RYR1: variants seen among roughly 807,000 people sequenced by gnomAD.
RYR1 encodes central core disease of muscle.
RYR1 carries 342 observed loss-of-function variants against 583.5 expected under a neutral mutation model. The observed-to-expected ratio is 0.59, with a 90% confidence interval of 0.54 to 0.64. RYR1 has a LOEUF of 0.64. Among genes scored for constraint, RYR1 ranks in the 30% least tolerant of loss-of-function variants. The pLI is 0.00. For missense variants in RYR1, 6,032 were observed against 6,917.2 expected (o/e 0.87, Z 4.54); for synonymous variants, 2,791 against 2,822.5 (o/e 0.99, Z 0.35).
chr19:38,542,345 G>A (rs1283049409), intron 84 of RYR1, among the ~76,000 whole-genome samples: 2 of 151,986 alleles, frequency 1.3e-5, no homozygotes, highest in Non-Finnish European at 2.9e-5. Context: ...CAGCACATAG[G>A]AGGAATTTGA....
chr19:38,486,268 C>A (rs945982019), intron 34 of RYR1, 66 bp downstream of exon 34: 4 of 1,595,552 alleles, frequency 2.5e-6, no homozygotes, highest in Non-Finnish European at 3.4e-6. Context: ...TCCAGAGATA[C>A]ATGCATCAAT....
chr19:38,517,396 C>T lies in RYR1; in HGVS notation c.9723C>T (p.Pro3241=), dbSNP rs199828145. 95 of 1,614,012 alleles carry T rather than the reference C, an allele frequency of 5.9e-5. 1 individual carries two copies. The highest frequency in any genetic ancestry group is 3.3e-4 in the South Asian group (30 of 91,082). The change falls in exon 66 of 106, where the codon CCC becomes CCT. Residue 3241 remains proline (P), a synonymous_variant. Transcript: ENST00000359596. Reference sequence around the variant, plus strand: ...CCAACAGTGTGGAGGAGATGTGTCCCGACATCCCGGTGCTGGAGCGGCTCA... The same window carrying T: ...CCAACAGTGTGGAGGAGATGTGTCCTGACATCCCGGTGCTGGAGCGGCTCA... ...GLPNSVEEMC[P]DIPVLERLMA...
intron 56 of RYR1, 129 bp downstream of exon 56, chr19:38,506,675 T>G: frequency 6.8e-7 from 1 of 1,470,376 alleles, no homozygotes; most frequent in East Asian, 2.4e-5. Context: ...TTTACCACCA[T>G]GGGGTAATGA....
intron 31 of RYR1, among the ~76,000 whole-genome samples, chr19:38,482,711 A>G (rs1034752132): frequency 6.6e-6 from 1 of 151,874 alleles, no homozygotes; most frequent in African/African-American, 2.4e-5. Context: ...CAGCCTCCCA[A>G]AGTTCTAGGA....
chr19:38,490,381 C>A, intron 36 of RYR1, 105 bp downstream of exon 36: 1 of 1,132,744 alleles, frequency 8.8e-7, no homozygotes, highest in Non-Finnish European at 1.3e-6. Context: ...CCGTGCTTGA[C>A]CCCTGACCCT....
intron 25 of RYR1, among the ~76,000 whole-genome samples, chr19:38,468,541 C>T (rs1405946269): frequency 6.6e-6 from 1 of 152,144 alleles, no homozygotes; most frequent in Non-Finnish European, 1.5e-5. Flanking sequence ...AGCCATGTAC[C>T]CAATTTCTCA....
At chr19:38,527,889 T>C in intron 73 of RYR1, 105 bp downstream of exon 73, 1 of 1,305,872 alleles carries the variant, frequency 7.7e-7, no homozygotes, top group Non-Finnish European at 1.1e-6. Context: ...TATTAAGTTT[T>C]GGGGCAGGGC....
chr19:38,525,807 C>T (rs1971443588), intron 71 of RYR1, among the ~76,000 whole-genome samples: 2 of 151,688 alleles, frequency 1.3e-5, no homozygotes, highest in African/African-American at 2.4e-5. Flanking sequence ...GCCCCCCCAC[C>T]GGACCATGCC....
At position 38,523,464 on chromosome 19, in the gene RYR1, C is replaced by T. The variant is rs994267237; in HGVS notation, c.10440+155C>T. The T allele has an allele frequency of 1.3e-5, 10 of 761,766 alleles. 1 individual carries two copies. The South Asian group carries it at 1.5e-4, about 12-fold the overall frequency. 47.2% of individuals were successfully genotyped at this position (761,766 alleles called of 1,614,324 possible). Reference sequence around the variant, plus strand: ...CTCTTACCTCCTCTCCCTCTCCCTTCCTCCCCAGCTCCTTCCTCCTCCTGT... The same window carrying T: ...CTCTTACCTCCTCTCCCTCTCCCTTTCTCCCCAGCTCCTTCCTCCTCCTGT... On this transcript the variant is annotated intron_variant, in intron 69 of 105. Transcript: ENST00000359596.
chr19:38,587,114 G>A (rs1052770916), intron 105 of RYR1, among the ~76,000 whole-genome samples: 1 of 152,056 alleles, frequency 6.6e-6, no homozygotes, highest in African/African-American at 2.4e-5. Flanking sequence ...TAAAAAATTA[G>A]CCAGGGGTGG....
intron 76 of RYR1, 52 bp downstream of exon 76, chr19:38,529,109 C>G: frequency 6.3e-7 from 1 of 1,577,876 alleles, no homozygotes; most frequent in Non-Finnish European, 8.7e-7. Flanking sequence ...CTGGGGCCAC[C>G]CCCAGCCCAG....
chr19:38,565,908 C>A lies in RYR1; in HGVS notation c.13437+137C>A. On this transcript the variant is annotated intron_variant, in intron 91 of 105. Coordinates refer to ENST00000359596, the MANE Select transcript of RYR1 (RefSeq NM_000540.3). This position sits in a 1 kb window ranked among gnomAD's most constrained non-coding sequence, Gnocchi z 4.7. ...GGCACACGCACCCACGGAGGACGCA[C>A]CCATGGAGGACGCACACGGGGACAG... 9.6e-7 allele frequency: 1 copy of A among 1,041,778 alleles called. No individual in the cohort carries two copies. Among genetic ancestry groups the A allele is most frequent in the Non-Finnish European group, 1.3e-6 (1 of 795,290 alleles). 64.5% of individuals were successfully genotyped at this position (1,041,778 alleles called of 1,614,324 possible).
At chr19:38,553,962 A>G (rs1247273638) in intron 89 of RYR1, among the ~76,000 whole-genome samples, 1 of 152,134 alleles carries the variant, frequency 6.6e-6, no homozygotes, top group Non-Finnish European at 1.5e-5. Flanking sequence ...TTTATTTGCT[A>G]TTCCTTGTTG....
intron 64 of RYR1, 130 bp downstream of exon 64, chr19:38,515,237 G>A (rs1970909945): frequency 3.9e-6 from 3 of 770,354 alleles, no homozygotes; most frequent in African/African-American, 1.7e-5. Context: ...CGGCAGCCGC[G>A]GTTCCCCACG....
chr19:38,572,283 C>T lies in RYR1; in HGVS notation c.13998+13C>T. 1 of 1,443,666 alleles carries T rather than the reference C, an allele frequency of 6.9e-7. No individual in the cohort carries two copies. Among genetic ancestry groups the T allele is most frequent in the Non-Finnish European group, 9.3e-7 (1 of 1,075,704 alleles). 89.4% of individuals were successfully genotyped at this position (1,443,666 alleles called of 1,614,324 possible). A position where few individuals can be genotyped will look rare whatever the true frequency, so the allele number is the denominator to read the frequency against. ...TAATTGTCTCAAGGTGGGCCCATGG[C>T]CATGGTTCTGGGGCAAGGGCTTATT... On this transcript the variant is annotated intron_variant, in intron 95 of 105. Coordinates refer to ENST00000359596, the MANE Select transcript of RYR1 (RefSeq NM_000540.3).
At chr19:38,579,878 C>T (rs1974120083) in intron 99 of RYR1, 104 bp from the exon 100 acceptor site, 8 of 1,505,610 alleles carry the variant, frequency 5.3e-6, no homozygotes, top group South Asian at 1.1e-5. Context: ...AGAGCTGGCA[C>T]CCGACCCCCA....
At chr19:38,457,971 G>A in intron 17 of RYR1, 80 bp from the exon 18 acceptor site, 1 of 1,443,030 alleles carries the variant, frequency 6.9e-7, no homozygotes, top group Non-Finnish European at 9.7e-7. Flanking sequence ...TTGGATGTCT[G>A]TCTCTCTCTG....
intron 76 of RYR1, among the ~76,000 whole-genome samples, chr19:38,529,695 CAGAA>C (rs1971644659): frequency 6.6e-6 from 1 of 152,140 alleles, no homozygotes; most frequent in South Asian, 2.1e-4. Context: ...TTCCAACAGA[CAGAA>C]GTAGTGGGGA....
chr19:38,520,061 G>A (rs1404974034), intron 67 of RYR1, among the ~76,000 whole-genome samples: 1 of 147,644 alleles, frequency 6.8e-6, no homozygotes, highest in Non-Finnish European at 1.5e-5. Context: ...ACACCGTAAG[G>A]AATAGTTTGC....
Sources: allele counts gnomAD v4.1 joint callset (sites outside exome capture counted in the v4.1 genomes callset), GRCh38; gene constraint gnomAD v4.1.1; non-coding constraint Gnocchi (gnomAD v3.1); transcripts MANE v1.5; gene names NCBI Gene and HGNC (gene_info 2026-07-23, HGNC 2026-07-21).